Variants in CSMD1 observed in about 807,000 individuals in gnomAD.
CSMD1 encodes the protein CUB and Sushi multiple domains 1.
CSMD1 carries 213 observed loss-of-function variants against 417.5 expected under a neutral mutation model. That is an observed-to-expected ratio of 0.51 (90% CI 0.46 to 0.57). The LOEUF is 0.57. Ranked by LOEUF, CSMD1 falls within the 20% of genes least tolerant of loss-of-function variation. CSMD1 has a pLI of 0.00. For synonymous variants in CSMD1, 2,862 were observed against 1,736.8 expected (o/e 1.65, Z -16.11); for missense variants, 6,923 against 4,529.7 (o/e 1.53, Z -15.17).
intron 1 of CSMD1, among the ~76,000 whole-genome samples, chr8:4,748,217 A>G (rs1673259): frequency 0.19 from 29,421 of 152,150 alleles, 3,689 homozygotes; most frequent in African/African-American, 0.36. Flanking sequence ...TTTCTCTTAA[A>G]TGGAAACAAG....
chr8:4,555,513 T>A (rs6996158), intron 2 of CSMD1, among the ~76,000 whole-genome samples: 30,915 of 152,076 alleles, frequency 0.2, 3,352 homozygotes, highest in African/African-American at 0.29. Flanking sequence ...CCACTTGGTT[T>A]TCTACTCTCC....
intron 1 of CSMD1, among the ~76,000 whole-genome samples, chr8:4,664,176 C>G (rs1046661903): frequency 2.0e-5 from 3 of 152,182 alleles, no homozygotes; most frequent in African/African-American, 7.2e-5. Flanking sequence ...CTGCGCATCT[C>G]AAAGTAGCCC....
chr8:4,939,383 C>G (rs116295097), intron 1 of CSMD1, among the ~76,000 whole-genome samples: 1,787 of 152,260 alleles, frequency 0.012, 30 homozygotes, highest in African/African-American at 0.041. Context: ...AATAGCCAAG[C>G]TATGGAAACA....
intron 10 of CSMD1, among the ~76,000 whole-genome samples, chr8:3,503,844 A>T (rs564936343): frequency 8.8e-6 from 1 of 113,264 alleles, no homozygotes; most frequent in Non-Finnish European, 1.9e-5. Context: ...CCCCCCCCCA[A>T]CCCCCACACT....
chr8:4,353,496 C>G (rs1314670226), intron 3 of CSMD1, among the ~76,000 whole-genome samples: 1 of 151,890 alleles, frequency 6.6e-6, no homozygotes, highest in Non-Finnish European at 1.5e-5. Context: ...TAAAATTGGT[C>G]AAATGAATCC....
intron 3 of CSMD1, among the ~76,000 whole-genome samples, chr8:4,258,955 C>G (rs1265611291): frequency 6.6e-6 from 1 of 152,108 alleles, no homozygotes; most frequent in East Asian, 1.9e-4. Context: ...ACTTAATACA[C>G]TAAGGTGTAT....
At chr8:3,655,378 T>C (rs1317896274) in intron 7 of CSMD1, among the ~76,000 whole-genome samples, 1 of 152,252 alleles carries the variant, frequency 6.6e-6, no homozygotes, top group East Asian at 1.9e-4. Context: ...GATTTTCATT[T>C]TTCACTATTA....
At chr8:3,297,030 A>G (rs1244541799) in intron 25 of CSMD1, among the ~76,000 whole-genome samples, 1 of 152,226 alleles carries the variant, frequency 6.6e-6, no homozygotes, top group African/African-American at 2.4e-5. Context: ...GGTGGAGAAT[A>G]GAAGAGGACT....
chr8:3,428,689 C>T (rs1226705334), intron 12 of CSMD1, among the ~76,000 whole-genome samples: 1 of 152,078 alleles, frequency 6.6e-6, no homozygotes, highest in African/African-American at 2.4e-5. Flanking sequence ...ATGATCCAGT[C>T]ATCCTACTAG....
intron 3 of CSMD1, among the ~76,000 whole-genome samples, chr8:4,046,655 G>A (rs935870841): frequency 6.6e-6 from 1 of 152,118 alleles, no homozygotes; most frequent in Non-Finnish European, 1.5e-5. Flanking sequence ...GTGCAGATAG[G>A]ATATACACTG....
intron 3 of CSMD1, among the ~76,000 whole-genome samples, chr8:4,068,656 A>T (rs1240756322): frequency 6.6e-6 from 1 of 151,850 alleles, no homozygotes; most frequent in Non-Finnish European, 1.5e-5. Flanking sequence ...AGTTTAAGAT[A>T]AAAAAAATGG....
intron 2 of CSMD1, among the ~76,000 whole-genome samples, chr8:4,428,872 G>A (rs1797711097): frequency 6.6e-6 from 1 of 151,952 alleles, no homozygotes; most frequent in South Asian, 2.1e-4. Context: ...GCACCACCAC[G>A]TCCAGCTAAT....
intron 25 of CSMD1, 39 bp from the exon 26 acceptor site, chr8:3,284,385 C>T: frequency 6.7e-7 from 1 of 1,490,538 alleles, no homozygotes; most frequent in African/African-American, 1.4e-5. Flanking sequence ...TGCCGTGCAT[C>T]GAGCATGTCC....
chr8:4,042,707 T>C (rs537820518), intron 3 of CSMD1, among the ~76,000 whole-genome samples: 4 of 150,148 alleles, frequency 2.7e-5, no homozygotes, highest in African/African-American at 9.8e-5. Context: ...GTTTCTAACA[T>C]ATGTAGAAGT....
intron 1 of CSMD1, among the ~76,000 whole-genome samples, chr8:4,884,070 T>A (rs1007900149): frequency 6.6e-6 from 1 of 152,060 alleles, no homozygotes; most frequent in Admixed American, 6.6e-5. Flanking sequence ...GATTTGCATT[T>A]CCCTGATGGC....
rs185473107 is a variant in CSMD1 at position 3,085,333 on chromosome 8, G to A, written c.7474+1764C>T. The stretch of plus-strand genomic sequence containing the variant: ...AGGTTAACAGAAAGGTTAACAGGAA[G>A]TGTAGAAAGTCACAGATCTGTTTTA... On this transcript the variant is annotated intron_variant, in intron 49 of 69. Transcript: ENST00000635120. Among the ~76,000 whole-genome samples the A allele has an allele frequency of 2.6e-5, 4 of 152,354 alleles. No homozygotes were observed. In the East Asian group the frequency reaches 7.7e-4, roughly 29 times the overall value.
At chr8:4,483,044 T>G (rs1273533058) in intron 2 of CSMD1, among the ~76,000 whole-genome samples, 1 of 152,208 alleles carries the variant, frequency 6.6e-6, no homozygotes, top group African/African-American at 2.4e-5. Context: ...AAATCTCATC[T>G]TGGATTGGAC....
At chr8:4,504,632 TG>T (rs1283388415) in intron 2 of CSMD1, among the ~76,000 whole-genome samples, 1 of 152,126 alleles carries the variant, frequency 6.6e-6, no homozygotes, top group Non-Finnish European at 1.5e-5. Context: ...TCCCTCCCCT[TG>T]GCCCCCACCT....
In CSMD1 at chr8:3,565,167, GATCA is replaced by G. The variant is rs1799647025; in HGVS notation, c.1344+9774_1344+9777del. Among the ~76,000 whole-genome samples, 34 of 70,808 alleles carry G rather than the reference GATCA, an allele frequency of 4.8e-4. 1 individual carries two copies. The highest frequency in any genetic ancestry group is 1.1e-3 in the South Asian group (2 of 1,796). 46.5% of individuals were successfully genotyped at this position (70,808 alleles called of 152,430 possible). ...AAAAAAAAAAAAAAAAAAAGAGAGAGATCAAGAAAGAAAGAAAGATACATAGATA... is the reference window on the plus strand; with the variant it reads ...AAAAAAAAAAAAAAAAAAAGAGAGAGAGAAAGAAAGAAAGATACATAGATA... On this transcript the variant is annotated intron_variant, in intron 10 of 69. Transcript: ENST00000635120.
Sources: gnomAD v4.1 joint callset for allele counts (sites outside exome capture counted in the v4.1 genomes callset) on GRCh38, gnomAD v4.1.1 for gene constraint, MANE v1.5 for transcripts, NCBI Gene and HGNC (gene_info 2026-07-23, HGNC 2026-07-21) for gene names.